MYH9: variants seen among roughly 807,000 people sequenced by gnomAD.
MYH9 encodes myosin heavy chain 9, also known as myosin-9.
MYH9 carries 29 observed loss-of-function variants against 241.9 expected under a neutral mutation model. That is an observed-to-expected ratio of 0.12 (90% CI 0.09 to 0.16). The LOEUF is 0.16. Among genes scored for constraint, MYH9 ranks in the 10% least tolerant of loss-of-function variants. MYH9 has a pLI of 1.00. For missense variants in MYH9, 1,803 were observed against 2,595.5 expected (o/e 0.69, Z 6.63); for synonymous variants, 1,047 against 1,062.6 (o/e 0.99, Z 0.29).
chr22:36,311,908 C>T, intron 14 of MYH9, 141 bp downstream of exon 14: 2 of 946,940 alleles, frequency 2.1e-6, no homozygotes, highest in South Asian at 1.4e-5. Context: ...GGCCACATTA[C>T]TGGGTGAGTC....
intron 1 of MYH9, among the ~76,000 whole-genome samples, chr22:36,351,543 T>C (rs953923050): frequency 6.6e-6 from 1 of 152,070 alleles, no homozygotes; most frequent in African/African-American, 2.4e-5. Flanking sequence ...TTCAAGCAAA[T>C]CCAAGGTTTC....
At chr22:36,340,779 CCT>C (rs1170223726) in intron 3 of MYH9, among the ~76,000 whole-genome samples, 2 of 152,096 alleles carry the variant, frequency 1.3e-5, no homozygotes, top group African/African-American at 4.8e-5. Flanking sequence ...ACATAGGTGA[CCT>C]CTGTTGGCCA....
chr22:36,375,001 T>C (rs2018144504), intron 1 of MYH9, among the ~76,000 whole-genome samples: 1 of 152,088 alleles, frequency 6.6e-6, no homozygotes, highest in African/African-American at 2.4e-5. Flanking sequence ...TCTCCCTGGG[T>C]TTCCAGCATC....
chr22:36,324,951 TG>T, intron 5 of MYH9: 1 of 668,902 alleles, frequency 1.5e-6, no homozygotes, highest in Admixed American at 2.3e-5. Flanking sequence ...CTGCTCTCCG[TG>T]TCCTGTCTCC....
Position 36,320,465 on chromosome 22 carries a change from A to G in MYH9, c.869-102T>C, listed in dbSNP as rs1482461286. ...GTTGGAGAGACTGGGACAGACCCTG[A>G]GCCCTGACGCACCCTGGAAACCGCA... On this transcript the variant is annotated intron_variant, in intron 8 of 40. Transcript: ENST00000216181. This position sits in a 1 kb window ranked among gnomAD's most constrained non-coding sequence, Gnocchi z 4.8. The G allele has an allele frequency of 4.7e-6, 7 of 1,478,676 alleles. No individual in the cohort carries two copies. Among genetic ancestry groups the G allele is most frequent in the Non-Finnish European group, 5.6e-6 (6 of 1,072,470 alleles). The allele number at this position is 1,478,676 out of a possible 1,614,324, so 91.6% of individuals were successfully genotyped here. A position where few individuals can be genotyped will look rare whatever the true frequency, so the allele number is the denominator to read the frequency against.
chr22:36,300,959 C>T lies in MYH9; in HGVS notation c.2730G>A (p.Lys910=). 6.2e-7 allele frequency: 1 copy of T among 1,611,634 alleles called. No individual in the cohort carries two copies. The highest frequency in any genetic ancestry group is 8.5e-7 in the Non-Finnish European group (1 of 1,180,032). ...EELRARLTAK[K]QELEEICHDL... ...CATGGCAGATCTCTTCTAATTCCTG[C>T]TTCTTGGCGGTCAGGCGGGCCCGGA... The change falls in exon 22 of 41, where the codon AAG becomes AAA. Residue 910 remains lysine (K), a synonymous_variant. Coordinates refer to ENST00000216181, the MANE Select transcript of MYH9 (RefSeq NM_002473.6). This position sits in a 1 kb window ranked among gnomAD's most constrained non-coding sequence, Gnocchi z 5.0.
At chr22:36,361,213 C>G (rs575302229) in intron 1 of MYH9, among the ~76,000 whole-genome samples, 1 of 152,204 alleles carries the variant, frequency 6.6e-6, no homozygotes, top group Non-Finnish European at 1.5e-5. Flanking sequence ...ACAGAAGAAG[C>G]TGGAACTTGT....
chr22:36,314,474 C>A lies in MYH9; in HGVS notation c.1381-156G>T, dbSNP rs4821484. On this transcript the variant is annotated intron_variant, in intron 12 of 40. Transcript: ENST00000216181. Reference sequence around the variant, plus strand: ...AGAGCCCGGATGCTCCTGGCCTTCCCTTTATCCACCCAGCAGTGGGCAACA... The same window carrying A: ...AGAGCCCGGATGCTCCTGGCCTTCCATTTATCCACCCAGCAGTGGGCAACA... Among the ~76,000 whole-genome samples the A allele has an allele frequency of 0.53, 79,810 of 152,016 alleles. 23,692 individuals carry two copies. Among genetic ancestry groups the A allele is most frequent in the Non-Finnish European group, 0.68 (45,934 of 67,954 alleles).
At chr22:36,294,438 G>A (rs2016757777) in intron 27 of MYH9, 140 bp from the exon 28 acceptor site, 1 of 868,982 alleles carries the variant, frequency 1.2e-6, no homozygotes, top group Non-Finnish European at 1.8e-6. Context: ...GACTCAGACG[G>A]CTCGGGCCTC....
At chr22:36,289,363 C>T (rs1237719731) in intron 31 of MYH9, 66 bp from the exon 32 acceptor site, 1 of 1,472,240 alleles carries the variant, frequency 6.8e-7, no homozygotes, top group Non-Finnish European at 9.3e-7. Flanking sequence ...GCAGCTGGGC[C>T]TAAGCTCCCT....
chr22:36,362,451 C>T (rs2146407314), intron 1 of MYH9, among the ~76,000 whole-genome samples: 1 of 152,278 alleles, frequency 6.6e-6, no homozygotes, highest in Admixed American at 6.5e-5. Context: ...GTGTCCTCCA[C>T]TAAGATACCA....
At chr22:36,354,695 C>T (rs1473727646) in intron 1 of MYH9, among the ~76,000 whole-genome samples, 6 of 151,146 alleles carry the variant, frequency 4.0e-5, no homozygotes, top group Non-Finnish European at 5.9e-5. Context: ...CTGCCTGCCT[C>T]GGCCTCCCAA....
Position 36,292,067 on chromosome 22 carries a change from C to G in MYH9, c.4263G>C (p.Glu1421Asp). The G allele has an allele frequency of 1.9e-6, 3 of 1,614,222 alleles. No individual in the cohort carries two copies. Among genetic ancestry groups the G allele is most frequent in the Non-Finnish European group, 2.5e-6 (3 of 1,180,048 alleles). Residue 1421 changes from glutamate to aspartate, a missense_variant, in exon 31 of 41, where the codon GAG becomes GAC. Around this residue, in one of 11 missense-constraint regions of MYH9, gnomAD observed 876 missense variants for 1,077.8 expected, o/e 0.81. Coordinates refer to ENST00000216181, the MANE Select transcript of MYH9 (RefSeq NM_002473.6). ...LEKTKTRLQQ[E>D]LDDLLVDLDH... ...CCAGGTCCACCAGCAGGTCGTCCAG[C>G]TCCTGCTGCAGCCGCGTCTTGGTCT... is the stretch of plus-strand genomic sequence containing the variant.
At chr22:36,360,628 G>A (rs1056585051) in intron 1 of MYH9, among the ~76,000 whole-genome samples, 1 of 151,692 alleles carries the variant, frequency 6.6e-6, no homozygotes, top group African/African-American at 2.4e-5. Context: ...CAGGAGAATG[G>A]CGTGAACCTG....
At chr22:36,334,778 C>T (rs1266307720) in intron 3 of MYH9, among the ~76,000 whole-genome samples, 3 of 152,204 alleles carry the variant, frequency 2.0e-5, no homozygotes, top group Non-Finnish European at 4.4e-5. Context: ...GCATCACACA[C>T]ACGGCGTCTT....
At chr22:36,381,454 T>C (rs2018253894) in intron 1 of MYH9, among the ~76,000 whole-genome samples, 1 of 150,820 alleles carries the variant, frequency 6.6e-6, no homozygotes, top group Non-Finnish European at 1.5e-5. Flanking sequence ...GAGGTGGAGG[T>C]TGCAGTGAGC....
chr22:36,386,501 CGGA>C (rs777351678), intron 1 of MYH9, among the ~76,000 whole-genome samples: 2 of 152,222 alleles, frequency 1.3e-5, no homozygotes, highest in Non-Finnish European at 2.9e-5. Flanking sequence ...CTGCGCTGCA[CGGA>C]GAAGGAGCTA....
chr22:36,288,180 C>T lies in MYH9; in HGVS notation c.4932+72G>A. ...TGCCAGGTTCCCGCCCTGGGCCGAGCCCTGGCACCTTCATATGTAGTTGGC... is the reference window on the plus strand; with the variant it reads ...TGCCAGGTTCCCGCCCTGGGCCGAGTCCTGGCACCTTCATATGTAGTTGGC... On this transcript the variant is annotated intron_variant, in intron 34 of 40. Transcript: ENST00000216181. The surrounding 1 kb of genome is among the most constrained non-coding windows in gnomAD (Gnocchi z 4.8). 6.3e-7 allele frequency: 1 copy of T among 1,590,590 alleles called. No individual in the cohort carries two copies. The highest frequency in any genetic ancestry group is 8.6e-7 in the Non-Finnish European group (1 of 1,166,596).
intron 1 of MYH9, among the ~76,000 whole-genome samples, chr22:36,355,420 T>G (rs2017839492): frequency 6.6e-6 from 1 of 152,156 alleles, no homozygotes; most frequent in African/African-American, 2.4e-5. Context: ...CCGTTTCTCT[T>G]TTTACTTATT....
Sources: gnomAD v4.1 joint callset for allele counts (sites outside exome capture counted in the v4.1 genomes callset) on GRCh38, gnomAD v4.1.1 for gene constraint, gnomAD v4.1.1 regional missense constraint, Gnocchi (gnomAD v3.1) non-coding constraint, MANE v1.5 for transcripts, NCBI Gene and HGNC (gene_info 2026-07-23, HGNC 2026-07-21) for gene names.